PIP4K2A: variants seen among roughly 807,000 people sequenced by gnomAD.
PIP4K2A encodes the protein phosphatidylinositol-5-phosphate 4-kinase type 2 alpha, also known as phosphatidylinositol 5-phosphate 4-kinase type-2 alpha.
Under a neutral mutation model 42.9 loss-of-function variants are expected in PIP4K2A, and 14 were observed. The ratio of observed to expected loss-of-function variants is 0.33; its 90% CI spans 0.22 to 0.51. The LOEUF is 0.51. PIP4K2A is among the 20% of genes least tolerant of loss of function. PIP4K2A has a pLI of 0.97. For missense variants in PIP4K2A, 434 were observed against 519.8 expected (o/e 0.83, Z 1.61); for synonymous variants, 192 against 192.2 (o/e 1.00, Z 0.01).
intron 1 of PIP4K2A, among the ~76,000 whole-genome samples, chr10:22,623,011 C>T (rs1468991060): frequency 6.6e-6 from 1 of 152,102 alleles, no homozygotes; most frequent in Non-Finnish European, 1.5e-5. Flanking sequence ...CCTAACATGA[C>T]AAATTCATAA....
chr10:22,569,098 A>C, intron 5 of PIP4K2A: 1 of 1,413,484 alleles, frequency 7.1e-7, no homozygotes, highest in Non-Finnish European at 9.7e-7. Flanking sequence ...TTCATCGAGC[A>C]GCTCAGGCAT....
At chr10:22,577,009 C>T (rs888217412) in intron 4 of PIP4K2A, among the ~76,000 whole-genome samples, 5 of 140,978 alleles carry the variant, frequency 3.5e-5, no homozygotes, top group South Asian at 2.3e-4. Context: ...ATTTGGGAGG[C>T]GGAGGCTGCA....
chr10:22,652,543 T>C (rs1244911606), intron 1 of PIP4K2A, among the ~76,000 whole-genome samples: 1 of 152,174 alleles, frequency 6.6e-6, no homozygotes, highest in Non-Finnish European at 1.5e-5. Context: ...TTATAATAAA[T>C]CTAAGACATA....
At chr10:22,705,218 T>C (rs1245779219) in intron 1 of PIP4K2A, among the ~76,000 whole-genome samples, 1 of 151,784 alleles carries the variant, frequency 6.6e-6, no homozygotes, top group Non-Finnish European at 1.5e-5. Context: ...GAGTGTCATT[T>C]GAGATTTGTG....
At chr10:22,655,695 A>G (rs1295455057) in intron 1 of PIP4K2A, among the ~76,000 whole-genome samples, 3 of 152,250 alleles carry the variant, frequency 2.0e-5, no homozygotes, top group Non-Finnish European at 4.4e-5. Context: ...CTCAACAACT[A>G]TTTATTAAAA....
At chr10:22,594,180 T>C (rs1187026306) in intron 3 of PIP4K2A, among the ~76,000 whole-genome samples, 1 of 152,166 alleles carries the variant, frequency 6.6e-6, no homozygotes, top group East Asian at 1.9e-4. Flanking sequence ...TTACCCTGTG[T>C]TTTACTGGCA....
intron 6 of PIP4K2A, among the ~76,000 whole-genome samples, chr10:22,553,408 C>T (rs1421870545): frequency 1.3e-5 from 2 of 152,230 alleles, no homozygotes; most frequent in African/African-American, 4.8e-5. Flanking sequence ...CCTCTCCAGC[C>T]TGTTTCCATA....
At chr10:22,541,196 C>T (rs550279837) in intron 8 of PIP4K2A, among the ~76,000 whole-genome samples, 1 of 152,316 alleles carries the variant, frequency 6.6e-6, no homozygotes, top group East Asian at 1.9e-4. Flanking sequence ...GGGCCATAGG[C>T]CCTTCCATGG....
chr10:22,690,120 C>G (rs749836263), intron 1 of PIP4K2A, among the ~76,000 whole-genome samples: 5 of 152,174 alleles, frequency 3.3e-5, no homozygotes, highest in Non-Finnish European at 1.5e-5. Flanking sequence ...TAACAGCAAA[C>G]AGGGCCAGGC....
At chr10:22,546,102 T>C (rs1245764695) in intron 7 of PIP4K2A, among the ~76,000 whole-genome samples, 1 of 152,226 alleles carries the variant, frequency 6.6e-6, no homozygotes, top group Non-Finnish European at 1.5e-5. Context: ...AAGAGTCTGA[T>C]TTGGTCTCAC....
chr10:22,616,170 G>A (rs1269676488), intron 1 of PIP4K2A, among the ~76,000 whole-genome samples: 1 of 152,200 alleles, frequency 6.6e-6, no homozygotes, highest in Admixed American at 6.5e-5. Context: ...ATTATGGTAT[G>A]ACTCAAGAGT....
chr10:22,664,218 CATAT>C (rs71395811), intron 1 of PIP4K2A, among the ~76,000 whole-genome samples: 9 of 26,132 alleles, frequency 3.4e-4, no homozygotes, highest in Non-Finnish European at 5.7e-4. Flanking sequence ...TATATATATA[CATAT>C]ATATATACAC....
At chr10:22,677,350 A>G (rs1257261792) in intron 1 of PIP4K2A, among the ~76,000 whole-genome samples, 2 of 152,184 alleles carry the variant, frequency 1.3e-5, no homozygotes, top group African/African-American at 4.8e-5. Flanking sequence ...AAAGTGTTTT[A>G]AAGGAAAGAA....
intron 1 of PIP4K2A, among the ~76,000 whole-genome samples, chr10:22,686,777 T>C (rs1160135739): frequency 6.6e-6 from 1 of 152,216 alleles, no homozygotes; most frequent in Admixed American, 6.5e-5. Flanking sequence ...GCCTCTATTT[T>C]TTTCTTTAAT....
At chr10:22,654,366 A>G (rs1209281523) in intron 1 of PIP4K2A, among the ~76,000 whole-genome samples, 2 of 152,208 alleles carry the variant, frequency 1.3e-5, no homozygotes, top group Non-Finnish European at 2.9e-5. Context: ...AGAATTTACC[A>G]TGTGTGGAGA....
At chr10:22,659,251 C>A (rs188762278) in intron 1 of PIP4K2A, among the ~76,000 whole-genome samples, 1 of 152,198 alleles carries the variant, frequency 6.6e-6, no homozygotes, top group Admixed American at 6.5e-5. Flanking sequence ...ACTCATAACA[C>A]GTCTTTATGG....
chr10:22,684,680 G>A (rs902068921), intron 1 of PIP4K2A, among the ~76,000 whole-genome samples: 5 of 152,150 alleles, frequency 3.3e-5, no homozygotes, highest in Admixed American at 2.6e-4. Context: ...CTGGTCTATA[G>A]GATGCCACCC....
At chr10:22,581,710 A>G (rs1366630812) in intron 4 of PIP4K2A, among the ~76,000 whole-genome samples, 1 of 152,018 alleles carries the variant, frequency 6.6e-6, no homozygotes, top group East Asian at 1.9e-4. Context: ...TAATTCTAAG[A>G]GTGCTGTCAG....
At chr10:22,572,593 A>G (rs1837015827) in intron 5 of PIP4K2A, among the ~76,000 whole-genome samples, 1 of 149,854 alleles carries the variant, frequency 6.7e-6, no homozygotes, top group East Asian at 1.9e-4. Flanking sequence ...CAACAGAGGA[A>G]GACTCTTTCT....
Sources: gnomAD v4.1 joint callset for allele counts (sites outside exome capture counted in the v4.1 genomes callset) on GRCh38, gnomAD v4.1.1 for gene constraint, MANE v1.5 for transcripts, NCBI Gene and HGNC (gene_info 2026-07-23, HGNC 2026-07-21) for gene names.